MGMT: variants seen among roughly 807,000 people sequenced by gnomAD.
The protein encoded by MGMT is methylated-DNA--protein-cysteine methyltransferase.
In MGMT, 14 loss-of-function variants were observed where a neutral mutation model predicts 15.9. The observed-to-expected ratio is 0.88, with a 90% CI of 0.58 to 1.37. MGMT has a LOEUF of 1.37. Among genes scored for constraint, MGMT ranks in the 40% most tolerant of loss-of-function variants. MGMT has a pLI of 0.00. For synonymous variants in MGMT, 130 were observed against 118.2 expected (o/e 1.10, Z -0.65); for missense variants, 282 against 268.1 (o/e 1.05, Z -0.36).
chr10:129,612,355 C>T (rs556146695), intron 2 of MGMT, among the ~76,000 whole-genome samples: 61 of 152,324 alleles, frequency 4.0e-4, no homozygotes, highest in African/African-American at 1.4e-3. Flanking sequence ...GAAGCATATC[C>T]AACCCCCACT....
chr10:129,728,096 C>T (rs12219729), intron 3 of MGMT, among the ~76,000 whole-genome samples: 82,834 of 151,888 alleles, frequency 0.55, 22,922 homozygotes, highest in Middle Eastern at 0.72. Flanking sequence ...GAACAGGACT[C>T]ATTGGACTGT....
intron 2 of MGMT, among the ~76,000 whole-genome samples, chr10:129,576,412 T>G (rs1336409736): frequency 2.0e-5 from 3 of 152,230 alleles, no homozygotes; most frequent in Non-Finnish European, 4.4e-5. Flanking sequence ...ATCCAGCATG[T>G]AAACAGAACC....
At chr10:129,755,381 C>G (rs1482186343) in intron 3 of MGMT, among the ~76,000 whole-genome samples, 1 of 152,226 alleles carries the variant, frequency 6.6e-6, no homozygotes, top group Non-Finnish European at 1.5e-5. Flanking sequence ...AGGACCTGCT[C>G]TTTCTTGCTC....
chr10:129,765,961 C>T (rs950218050), intron 4 of MGMT, among the ~76,000 whole-genome samples: 2 of 152,180 alleles, frequency 1.3e-5, no homozygotes, highest in African/African-American at 2.4e-5. Flanking sequence ...GCTCGGGCAA[C>T]GCCAAAGGAC....
chr10:129,536,372 A>G lies in MGMT; in HGVS notation c.120A>G (p.Ala40=). ...AGCTCCTGGGCAAGGGGACGTCTGC[A>G]GCTGAGTAAGTATGAGCCCACGTGA... ...EIKLLGKGTS[A]ADAVEVPAPA... The change falls in exon 2 of 5, where the codon GCA becomes GCG. Residue 40 remains alanine (A), a synonymous_variant. Coordinates refer to ENST00000651593, the MANE Select transcript of MGMT (RefSeq NM_002412.5). 6.2e-7 allele frequency: 1 copy of G among 1,612,932 alleles called. No homozygotes were observed.
intron 1 of MGMT, among the ~76,000 whole-genome samples, chr10:129,510,391 G>A (rs1351030118): frequency 1.3e-5 from 2 of 152,200 alleles, no homozygotes; most frequent in Non-Finnish European, 2.9e-5. Flanking sequence ...GTGGGAGCAC[G>A]TTGAGGGCCT....
intron 3 of MGMT, among the ~76,000 whole-genome samples, chr10:129,754,268 G>A (rs185009631): frequency 7.9e-4 from 121 of 152,254 alleles, no homozygotes; most frequent in Non-Finnish European, 1.4e-3. Flanking sequence ...TCCCTCCTCA[G>A]TCCCCTGGAC....
chr10:129,653,682 G>T (rs758994264), intron 2 of MGMT, among the ~76,000 whole-genome samples: 2 of 152,230 alleles, frequency 1.3e-5, no homozygotes, highest in Non-Finnish European at 2.9e-5. Context: ...TCATGTGATG[G>T]CCAATGCTTC....
intron 2 of MGMT, among the ~76,000 whole-genome samples, chr10:129,571,354 T>G (rs1484814836): frequency 6.6e-6 from 1 of 152,218 alleles, no homozygotes. Context: ...ATATATGAAT[T>G]CATTATAATT....
At chr10:129,703,711 G>GC (rs1460395284) in intron 2 of MGMT, among the ~76,000 whole-genome samples, 1 of 152,106 alleles carries the variant, frequency 6.6e-6, no homozygotes, top group Non-Finnish European at 1.5e-5. Context: ...AAATCCTGCA[G>GC]CCCCAGGTGC....
At chr10:129,632,150 C>T (rs1390240845) in intron 2 of MGMT, among the ~76,000 whole-genome samples, 1 of 152,228 alleles carries the variant, frequency 6.6e-6, no homozygotes, top group Admixed American at 6.5e-5. Flanking sequence ...ATGCATTGTG[C>T]CACATCCTTA....
chr10:129,582,005 G>C (rs1846561778), intron 2 of MGMT, among the ~76,000 whole-genome samples: 2 of 152,222 alleles, frequency 1.3e-5, no homozygotes, highest in African/African-American at 4.8e-5. Context: ...TCCAGGGTGT[G>C]CGAGCCACGT....
At position 129,566,981 on chromosome 10, in the gene MGMT, A is replaced by T. The variant is rs907270049; in HGVS notation, c.125+30604A>T. Among the ~76,000 whole-genome samples the T allele has an allele frequency of 6.6e-6, 1 of 152,010 alleles. No homozygotes were observed. The highest frequency in any genetic ancestry group is 1.9e-4 in the East Asian group (1 of 5,170). On this transcript the variant is annotated intron_variant, in intron 2 of 4. Coordinates refer to ENST00000651593, the MANE Select transcript of MGMT (RefSeq NM_002412.5). The surrounding 1 kb of genome is among the most constrained non-coding windows in gnomAD (Gnocchi z 4.1). ...TGGCGGGTGACACGTAACTGTTACA[A>T]ATGGGTGCCTGTCCCTGTCACGTCA...
intron 1 of MGMT, among the ~76,000 whole-genome samples, chr10:129,487,282 A>C (rs997102936): frequency 4.6e-5 from 7 of 152,158 alleles, no homozygotes; most frequent in Non-Finnish European, 1.0e-4. Flanking sequence ...TCAGAGGAAC[A>C]GTGAGTTTTT....
chr10:129,620,543 G>A (rs529902145), intron 2 of MGMT, among the ~76,000 whole-genome samples: 6 of 152,244 alleles, frequency 3.9e-5, no homozygotes, highest in East Asian at 1.9e-4. Context: ...AGATCATGAC[G>A]TCCTCCTGAT....
At chr10:129,715,985 G>A (rs1055535393) in intron 3 of MGMT, among the ~76,000 whole-genome samples, 3 of 152,076 alleles carry the variant, frequency 2.0e-5, no homozygotes, top group African/African-American at 7.2e-5. Flanking sequence ...GGAGGTACGC[G>A]GCGGTCAGTG....
chr10:129,591,423 G>A (rs1846684428), intron 2 of MGMT, among the ~76,000 whole-genome samples: 1 of 152,176 alleles, frequency 6.6e-6, no homozygotes, highest in Admixed American at 6.6e-5. Context: ...TTCTGGCTCA[G>A]AGATTCTCAA....
chr10:129,560,192 G>A (rs1250705478), intron 2 of MGMT, among the ~76,000 whole-genome samples: 1 of 152,124 alleles, frequency 6.6e-6, no homozygotes, highest in Admixed American at 6.5e-5. Flanking sequence ...AAAGTTTCAG[G>A]GTCTGATGTG....
chr10:129,475,644 G>A (rs1845283954), intron 1 of MGMT, among the ~76,000 whole-genome samples: 1 of 152,150 alleles, frequency 6.6e-6, no homozygotes, highest in African/African-American at 2.4e-5. Flanking sequence ...GCGGGGTGCG[G>A]GCCGATCAGC....
Sources: allele counts gnomAD v4.1 joint callset (sites outside exome capture counted in the v4.1 genomes callset), GRCh38; gene constraint gnomAD v4.1.1; non-coding constraint Gnocchi (gnomAD v3.1); transcripts MANE v1.5; gene names NCBI Gene and HGNC (gene_info 2026-07-23, HGNC 2026-07-21).